ANO3: variants seen among roughly 807,000 people sequenced by gnomAD.
ANO3 encodes the protein anoctamin-3.
Under a neutral mutation model 144.8 loss-of-function variants are expected in ANO3, and 99 were observed. That is an observed-to-expected ratio of 0.68 (90% CI 0.58 to 0.81). The LOEUF (loss-of-function observed/expected upper bound fraction) is 0.81. Among genes scored for constraint, ANO3 ranks in the 30% least tolerant of loss-of-function variants. The probability of loss-of-function intolerance (pLI) is 0.00; values close to 1 mark genes in which losing one functional copy is unlikely to be tolerated. For missense variants in ANO3, 905 were observed against 1,202.2 expected, an observed-to-expected ratio of 0.75 and a Z score of 3.66; for synonymous variants, 414 against 392.6, an observed-to-expected ratio of 1.05 and a Z score of -0.64.
At chr11:26,398,268 A>T (rs1361410046) in intron 1 of ANO3, among the ~76,000 whole-genome samples, 3 of 152,076 alleles carry the variant, frequency 2.0e-5, no homozygotes. Context: ...AAAGCAACCT[A>T]TAGTGAGTTT....
chr11:26,287,573 A>G (rs1853837404), intron 1 of ANO3: 3 of 152,212 alleles, frequency 2.0e-5, no homozygotes, highest in Admixed American at 1.3e-4. Context: ...TAACAAAAAT[A>G]TATGATAAGT....
chr11:26,332,076 G>A (rs1855059261), upstream of ANO3: 6 of 1,437,218 alleles, frequency 4.2e-6, no homozygotes, highest in Non-Finnish European at 5.5e-6. Flanking sequence ...GGAGCCGGAC[G>A]CTAGACCGCC....
chr11:26,429,225 C>G (rs1310066405), intron 1 of ANO3, among the ~76,000 whole-genome samples: 1 of 152,010 alleles, frequency 6.6e-6, no homozygotes, highest in Non-Finnish European at 1.5e-5. Context: ...TGTGGGAAAC[C>G]AACAATGGAG....
At chr11:26,403,909 G>T (rs1413370039) in intron 1 of ANO3, among the ~76,000 whole-genome samples, 1 of 151,704 alleles carries the variant, frequency 6.6e-6, no homozygotes, top group Admixed American at 6.6e-5. Flanking sequence ...TGTGTGCTTT[G>T]CTTCCCATTT....
intron 1 of ANO3, among the ~76,000 whole-genome samples, chr11:26,438,403 G>A (rs1206152580): frequency 6.6e-6 from 1 of 151,834 alleles, no homozygotes; most frequent in African/African-American, 2.4e-5. Flanking sequence ...CTAGCTGACA[G>A]CAGTACTTAC....
At chr11:26,565,062 C>T in intron 14 of ANO3, 3 of 1,164,750 alleles carry the variant, frequency 2.6e-6, no homozygotes, top group Non-Finnish European at 3.5e-6. Flanking sequence ...CTATTGTGTT[C>T]TCTTCTGTTT....
intron 1 of ANO3, among the ~76,000 whole-genome samples, chr11:26,431,571 A>AATAGACC (rs1858089933): frequency 6.6e-6 from 1 of 152,070 alleles, no homozygotes; most frequent in African/African-American, 2.4e-5. Context: ...TCCACCCTCA[A>AATAGACC]ATAGACCGCA....
intron 1 of ANO3, among the ~76,000 whole-genome samples, chr11:26,220,557 T>C (rs1163054170): frequency 6.6e-6 from 1 of 152,222 alleles, no homozygotes; most frequent in Non-Finnish European, 1.5e-5. Flanking sequence ...AGCAATCTGT[T>C]GTCTAAAATC....
intron 4 of ANO3, among the ~76,000 whole-genome samples, chr11:26,495,074 C>CATTTATTT (rs56862775): frequency 0.068 from 9,784 of 143,334 alleles, 403 homozygotes; most frequent in African/African-American, 0.095. Context: ...TAAATATCTA[C>CATTTATTT]ATTTATTTAT....
chr11:26,561,070 C>T (rs1184058496), intron 14 of ANO3: 1 of 1,609,738 alleles, frequency 6.2e-7, no homozygotes, highest in East Asian at 2.2e-5. Context: ...TAGTTCTATA[C>T]AGAAGTACGA....
intron 1 of ANO3, among the ~76,000 whole-genome samples, chr11:26,430,132 A>C (rs1297157181): frequency 6.6e-6 from 1 of 152,026 alleles, no homozygotes; most frequent in Non-Finnish European, 1.5e-5. Context: ...ATGATGATAC[A>C]TAACTGTAAT....
chr11:26,609,108 G>A (rs1322516624), intron 17 of ANO3, among the ~76,000 whole-genome samples: 1 of 152,136 alleles, frequency 6.6e-6, no homozygotes, highest in African/African-American at 2.4e-5. Flanking sequence ...GGTTGCAATA[G>A]TTCCGTGGAA....
At chr11:26,391,656 T>C (rs965260160) in intron 1 of ANO3, among the ~76,000 whole-genome samples, 1 of 152,150 alleles carries the variant, frequency 6.6e-6, no homozygotes, top group Non-Finnish European at 1.5e-5. Flanking sequence ...CTGCAATCTC[T>C]GTGGATCTCT....
chr11:26,543,615 C>T (rs577294875), intron 11 of ANO3, among the ~76,000 whole-genome samples: 3 of 152,210 alleles, frequency 2.0e-5, no homozygotes, highest in South Asian at 4.2e-4. Flanking sequence ...TCCCTCCCGC[C>T]ACACCACGAC....
chr11:26,254,206 G>T (rs1853003516), intron 1 of ANO3, among the ~76,000 whole-genome samples: 1 of 152,064 alleles, frequency 6.6e-6, no homozygotes, highest in South Asian at 2.1e-4. Context: ...AGGTCAAATT[G>T]TGCACTAAAG....
At chr11:26,306,486 G>A (rs1854386935), upstream of ANO3, among the ~76,000 whole-genome samples, 1 of 151,712 alleles carries the variant, frequency 6.6e-6, no homozygotes, top group Non-Finnish European at 1.5e-5. Context: ...GCAATATAGG[G>A]AGACCTCGTC....
chr11:26,252,975 T>A (rs1052928347), intron 1 of ANO3, among the ~76,000 whole-genome samples: 21 of 152,144 alleles, frequency 1.4e-4, no homozygotes, highest in African/African-American at 4.6e-4. Context: ...TTTTAGGTAA[T>A]TGAAAGCCAA....
rs1462102810 is a variant in ANO3 at position 26,620,818 on chromosome 11, A to AGCTTATT, written c.1837-3644_1837-3643insGCTTATT. On this transcript the variant is annotated intron_variant, in intron 17 of 26. Transcript: ENST00000256737. Reference sequence around the variant, plus strand: ...CCACTGGTTACCAATTACAGTGCAAATAAGCTATTATGGAATAGGGTGGAT... The same window carrying AGCTTATT: ...CCACTGGTTACCAATTACAGTGCAAAGCTTATTTAAGCTATTATGGAATAGGGTGGAT... 5.9e-5 allele frequency among the ~76,000 whole-genome samples: 9 copies of AGCTTATT among 152,306 alleles called. No individual in the cohort carries two copies. In the East Asian group the frequency reaches 1.7e-3, roughly 29 times the overall value.
intron 14 of ANO3, among the ~76,000 whole-genome samples, chr11:26,593,741 G>C (rs138543921): frequency 6.6e-6 from 1 of 152,136 alleles, no homozygotes; most frequent in African/African-American, 2.4e-5. Flanking sequence ...TAAAGTGTCC[G>C]TGTAGGCCGC....
Sources: gnomAD v4.1 joint callset for allele counts (sites outside exome capture counted in the v4.1 genomes callset) on GRCh38, gnomAD v4.1.1 for gene constraint, MANE v1.5 for transcripts, NCBI Gene and HGNC (gene_info 2026-07-23, HGNC 2026-07-21) for gene names.